The following MICAL2 variants were observed in gnomAD, a reference collection of about 807,000 sequenced individuals.
MICAL2 encodes microtubule associated monooxygenase, calponin and LIM domain containing 2.
MICAL2 carries 77 observed loss-of-function variants against 127.3 expected under a neutral mutation model. The observed-to-expected ratio is 0.60, with a 90% CI of 0.50 to 0.73. The LOEUF (loss-of-function observed/expected upper bound fraction) is 0.73, where lower values mean the gene tolerates loss of function less well. MICAL2 is among the 30% of genes least tolerant of loss of function. The probability of loss-of-function intolerance (pLI) is 0.00; values close to 1 mark genes in which losing one functional copy is unlikely to be tolerated. For missense variants in MICAL2, 1,351 were observed against 1,434.4 expected (o/e 0.94, Z 0.94); for synonymous variants, 570 against 551.1 (o/e 1.03, Z -0.48).
intron 34 of MICAL2, among the ~76,000 whole-genome samples, chr11:12,355,737 G>A (rs1296005434): frequency 6.6e-6 from 1 of 152,190 alleles, no homozygotes; most frequent in Non-Finnish European, 1.5e-5. Flanking sequence ...CCATGCTCAA[G>A]GTGAATGGTA....
intron 4 of MICAL2, among the ~76,000 whole-genome samples, chr11:12,206,753 G>A (rs150967558): frequency 3.9e-5 from 6 of 152,166 alleles, no homozygotes; most frequent in Admixed American, 1.3e-4. Context: ...TTCTAGGCCC[G>A]CTTTTCTCCC....
chr11:12,121,836 A>G (rs938775576), intron 1 of MICAL2, among the ~76,000 whole-genome samples: 5 of 152,160 alleles, frequency 3.3e-5, no homozygotes, highest in Non-Finnish European at 7.4e-5. Context: ...TGTCTCAGGG[A>G]CACTTTTGCT....
intron 8 of MICAL2, among the ~76,000 whole-genome samples, chr11:12,217,141 G>A (rs1278873680): frequency 1.3e-5 from 2 of 152,204 alleles, no homozygotes; most frequent in Non-Finnish European, 2.9e-5. Flanking sequence ...AGCCCCTGTA[G>A]TTGCTGCCAC....
At chr11:12,134,459 G>C (rs1851679045) in intron 1 of MICAL2, among the ~76,000 whole-genome samples, 1 of 152,162 alleles carries the variant, frequency 6.6e-6, no homozygotes, top group Non-Finnish European at 1.5e-5. Context: ...GTTGGTTTCG[G>C]TAACTTCTTC....
At chr11:12,174,820 C>A (rs1394539110) in intron 3 of MICAL2, among the ~76,000 whole-genome samples, 1 of 152,136 alleles carries the variant, frequency 6.6e-6, no homozygotes, top group Non-Finnish European at 1.5e-5. Flanking sequence ...ATTATTAATT[C>A]ATTCAAAAAA....
downstream of MICAL2, among the ~76,000 whole-genome samples, chr11:12,295,151 T>G (rs1254700811): frequency 3.9e-5 from 6 of 151,916 alleles, no homozygotes; most frequent in Non-Finnish European, 8.8e-5. Flanking sequence ...TATCTTTTTT[T>G]TTTTTTGAGA....
At chr11:12,274,646 G>A (rs953013553), upstream of MICAL2, 1 of 152,392 alleles carries the variant, frequency 6.6e-6, no homozygotes, top group African/African-American at 2.4e-5. Flanking sequence ...CAAGGGGTCT[G>A]AGAAGGACGT....
intron 2 of MICAL2, among the ~76,000 whole-genome samples, chr11:12,142,827 G>A (rs930228715): frequency 1.3e-5 from 2 of 152,220 alleles, no homozygotes; most frequent in South Asian, 2.1e-4. Context: ...GGACTCAAAC[G>A]CAAGGTATCT....
At chr11:12,279,614 C>A (rs1863751673) in intron 1 of MICAL2, among the ~76,000 whole-genome samples, 1 of 152,184 alleles carries the variant, frequency 6.6e-6, no homozygotes, top group Non-Finnish European at 1.5e-5. Context: ...ACTGGGAAGT[C>A]CAAGGGTGGT....
chr11:12,208,245 G>A, intron 5 of MICAL2, 106 bp downstream of exon 5: 2 of 886,752 alleles, frequency 2.3e-6, no homozygotes, highest in Non-Finnish European at 3.6e-6. Context: ...CTTACTGGGA[G>A]CTGGTTGGCA....
chr11:12,278,528 A>G (rs1477267279), intron 1 of MICAL2, among the ~76,000 whole-genome samples: 2 of 152,254 alleles, frequency 1.3e-5, no homozygotes, highest in Non-Finnish European at 2.9e-5. Flanking sequence ...TGACTAAAAC[A>G]TCATTATGAA....
chr11:12,206,059 A>G (rs1854640489), intron 4 of MICAL2, among the ~76,000 whole-genome samples: 1 of 152,206 alleles, frequency 6.6e-6, no homozygotes, highest in Non-Finnish European at 1.5e-5. Context: ...TTGAGATGAG[A>G]AAATTCCAGG....
upstream of MICAL2, among the ~76,000 whole-genome samples, chr11:12,273,228 A>G (rs1441300573): frequency 6.6e-6 from 1 of 152,220 alleles, no homozygotes; most frequent in African/African-American, 2.4e-5. Flanking sequence ...AATGGGGGTA[A>G]TAACAACGCT....
intron 29 of MICAL2, among the ~76,000 whole-genome samples, chr11:12,309,180 T>G (rs1023654887): frequency 6.6e-6 from 1 of 152,222 alleles, no homozygotes; most frequent in African/African-American, 2.4e-5. Context: ...CTTCTTTGTC[T>G]TAGGAAACTT....
chr11:12,130,539 A>C (rs1851329217), intron 1 of MICAL2, among the ~76,000 whole-genome samples: 1 of 152,208 alleles, frequency 6.6e-6, no homozygotes. Context: ...TTCCTTAAGC[A>C]GAAGAATCTC....
chr11:12,275,441 C>T (rs143512702), upstream of MICAL2, among the ~76,000 whole-genome samples: 26 of 152,184 alleles, frequency 1.7e-4, no homozygotes, highest in South Asian at 8.3e-4. Flanking sequence ...GACTGAGTCC[C>T]GGGATCTTTC....
chr11:12,309,219 A>C (rs2134819718), intron 29 of MICAL2, among the ~76,000 whole-genome samples: 1 of 152,282 alleles, frequency 6.6e-6, no homozygotes, highest in East Asian at 1.9e-4. Flanking sequence ...CTATTTTGAA[A>C]TTTACTATAA....
intron 9 of MICAL2, 140 bp from the exon 10 acceptor site, chr11:12,221,504 T>C (rs988085490): frequency 1.8e-5 from 10 of 562,466 alleles, no homozygotes; most frequent in Non-Finnish European, 3.2e-5. Context: ...TCCTCATAGG[T>C]AGCAGGGTCC....
At chr11:12,257,475 G>T (rs1447949908) in intron 24 of MICAL2, among the ~76,000 whole-genome samples, 1 of 152,230 alleles carries the variant, frequency 6.6e-6, no homozygotes, top group Non-Finnish European at 1.5e-5. Context: ...CGGAACGAAT[G>T]ATTATTTTCT....
Sources: gnomAD v4.1 joint callset for allele counts (sites outside exome capture counted in the v4.1 genomes callset) on GRCh38, gnomAD v4.1.1 for gene constraint, MANE v1.5 for transcripts, NCBI Gene and HGNC (gene_info 2026-07-23, HGNC 2026-07-21) for gene names.